COPG2: variants seen among roughly 807,000 people sequenced by gnomAD.
COPG2 encodes coat protein complex I subunit gamma 2, also known as coatomer subunit gamma-2.
Under a neutral mutation model 46.3 loss-of-function variants are expected in COPG2, and 37 were observed. The observed-to-expected ratio is 0.80, with a 90% CI of 0.61 to 1.05. COPG2 has a LOEUF of 1.05. Among genes scored for constraint, COPG2 ranks in the 50% least tolerant of loss-of-function variants. The pLI, the probability that COPG2 is intolerant of heterozygous loss-of-function variation, is 0.00. For synonymous variants in COPG2, 159 were observed against 129.7 expected (o/e 1.23, Z -1.53); for missense variants, 427 against 387.8 (o/e 1.10, Z -0.85).
chr7:130,621,305 T>C (rs1795035140), intron 5 of COPG2, among the ~76,000 whole-genome samples: 1 of 152,216 alleles, frequency 6.6e-6, no homozygotes, highest in African/African-American at 2.4e-5. Context: ...TTGTGTTGTT[T>C]TAAGCCACCA....
chr7:130,614,774 T>C (rs1554452621), intron 6 of COPG2, among the ~76,000 whole-genome samples: 3 of 152,116 alleles, frequency 2.0e-5, no homozygotes, highest in African/African-American at 7.2e-5. Flanking sequence ...ATACAAAAAT[T>C]AGCTGGGCAT....
At chr7:130,667,648 G>T in intron 1 of COPG2, 114 bp from the exon 2 acceptor site, 1 of 737,198 alleles carries the variant, frequency 1.4e-6, no homozygotes, top group Non-Finnish European at 2.3e-6. Context: ...ATGGCACAGT[G>T]ATAATCATGG....
chr7:130,593,280 A>C (rs967880703), intron 9 of COPG2, among the ~76,000 whole-genome samples: 60 of 152,358 alleles, frequency 3.9e-4, no homozygotes, highest in African/African-American at 1.3e-3. Context: ...AAATAGCCCT[A>C]AAGTCCCAAT....
At chr7:130,654,728 G>A (rs1795815203) in intron 4 of COPG2, among the ~76,000 whole-genome samples, 1 of 151,966 alleles carries the variant, frequency 6.6e-6, no homozygotes, top group African/African-American at 2.4e-5. Context: ...AACTTCCAAA[G>A]TATTACCCCA....
chr7:130,605,581 T>G (rs1428907194), intron 9 of COPG2: 1 of 397,910 alleles, frequency 2.5e-6, no homozygotes, highest in Non-Finnish European at 5.0e-6. Flanking sequence ...AAGAGAGGCC[T>G]TTAGTTGCTC....
chr7:130,549,947 T>A (rs2116384907), intron 17 of COPG2, among the ~76,000 whole-genome samples: 1 of 152,332 alleles, frequency 6.6e-6, no homozygotes, highest in Non-Finnish European at 1.5e-5. Flanking sequence ...GCGACAGCAC[T>A]ATTACTGCTC....
chr7:130,570,079 A>G (rs1409608985), intron 9 of COPG2, among the ~76,000 whole-genome samples: 4 of 152,206 alleles, frequency 2.6e-5, no homozygotes, highest in African/African-American at 9.6e-5. Context: ...GCCATCTAGG[A>G]GAAACCCACA....
At chr7:130,511,862 A>C (rs782134993) in intron 20 of COPG2, 1 of 519,096 alleles carries the variant, frequency 1.9e-6, no homozygotes, top group Non-Finnish European at 3.9e-6. Context: ...CTTTTGAGGG[A>C]ATGGCTAATT....
intron 5 of COPG2, among the ~76,000 whole-genome samples, chr7:130,639,674 T>C (rs1233675769): frequency 6.6e-6 from 1 of 152,262 alleles, no homozygotes; most frequent in Admixed American, 6.5e-5. Context: ...TCTGTGCATA[T>C]TGATTCCAAT....
intron 20 of COPG2, among the ~76,000 whole-genome samples, chr7:130,513,341 ATGTGTGTGTGTGTGTGTG>A (rs1210290028): frequency 1.1e-3 from 56 of 51,430 alleles, no homozygotes; most frequent in Non-Finnish European, 1.3e-3. Flanking sequence ...ATATATATAT[ATGTGTGTGTGTGTGTGTG>A]TATATATATA....
At chr7:130,632,272 A>T (rs1795248042) in intron 5 of COPG2, among the ~76,000 whole-genome samples, 1 of 152,184 alleles carries the variant, frequency 6.6e-6, no homozygotes, top group Non-Finnish European at 1.5e-5. Context: ...TCAGCACTTT[A>T]AAGTTGGTGT....
intron 21 of COPG2, 113 bp downstream of exon 21, chr7:130,508,449 A>C: frequency 3.2e-6 from 2 of 634,478 alleles, no homozygotes; most frequent in Non-Finnish European, 5.7e-6. Context: ...TTTCAGAAGA[A>C]TAGAAATCCC....
intron 9 of COPG2, among the ~76,000 whole-genome samples, chr7:130,575,482 C>T (rs1476144241): frequency 6.6e-6 from 1 of 152,082 alleles, no homozygotes; most frequent in Admixed American, 6.6e-5. Context: ...AAGATACAGT[C>T]TTTTTCAGAC....
chr7:130,512,296 G>A (rs574474803), intron 20 of COPG2, among the ~76,000 whole-genome samples: 90 of 148,626 alleles, frequency 6.1e-4, no homozygotes, highest in African/African-American at 2.2e-3. Flanking sequence ...TGGGCAACAA[G>A]AGCAAAACTC....
At chr7:130,585,142 G>A (rs532796896) in intron 9 of COPG2, among the ~76,000 whole-genome samples, 1 of 152,024 alleles carries the variant, frequency 6.6e-6, no homozygotes, top group Non-Finnish European at 1.5e-5. Context: ...TAACAGAATA[G>A]AGAACCCAGA....
intron 20 of COPG2, among the ~76,000 whole-genome samples, chr7:130,514,169 G>A (rs1799655739): frequency 6.6e-6 from 1 of 151,936 alleles, no homozygotes; most frequent in Non-Finnish European, 1.5e-5. Flanking sequence ...AAAGTAATGC[G>A]AAGCTTTTGT....
At chr7:130,615,873 G>C (rs1172328764) in intron 6 of COPG2, among the ~76,000 whole-genome samples, 4 of 152,232 alleles carry the variant, frequency 2.6e-5, no homozygotes, top group African/African-American at 9.6e-5. Context: ...GCCAGTGGTT[G>C]TGGACTGTAC....
chr7:130,607,434 C>T (rs1554451428), intron 9 of COPG2: 2 of 431,570 alleles, frequency 4.6e-6, no homozygotes, highest in South Asian at 1.7e-5. Flanking sequence ...GCAATTTTTA[C>T]CATCTATTAA....
chr7:130,622,006 A>G (rs1445476228), intron 5 of COPG2, among the ~76,000 whole-genome samples: 1 of 151,692 alleles, frequency 6.6e-6, no homozygotes, highest in Non-Finnish European at 1.5e-5. Context: ...TTGGCCATGT[A>G]CCATAGCTTG....
Sources: gnomAD v4.1 joint callset for allele counts (sites outside exome capture counted in the v4.1 genomes callset) on GRCh38, gnomAD v4.1.1 for gene constraint, MANE v1.5 for transcripts, NCBI Gene and HGNC (gene_info 2026-07-23, HGNC 2026-07-21) for gene names.